DLG2: variants seen among roughly 807,000 people sequenced by gnomAD.
DLG2 encodes the protein disks large homolog 2.
A neutral mutation model predicts 132.5 loss-of-function variants in DLG2; 45 were observed. That is an observed-to-expected ratio of 0.34 (90% CI 0.27 to 0.44). The LOEUF is 0.44. Ranked by LOEUF, DLG2 falls within the 20% of genes least tolerant of loss-of-function variation. The pLI is 1.00. For synonymous variants in DLG2, 424 were observed against 419.6 expected (o/e 1.01, Z -0.13); for missense variants, 1,045 against 1,196.9 (o/e 0.87, Z 1.87).
At chr11:84,407,225 G>T (rs1567551436) in intron 7 of DLG2, among the ~76,000 whole-genome samples, 2 of 151,994 alleles carry the variant, frequency 1.3e-5, no homozygotes, top group Non-Finnish European at 2.9e-5. Context: ...TCTCGCTTTT[G>T]TTTCCCCCAC....
At chr11:84,849,961 G>T (rs2081983108) in intron 6 of DLG2, among the ~76,000 whole-genome samples, 1 of 152,176 alleles carries the variant, frequency 6.6e-6, no homozygotes, top group Non-Finnish European at 1.5e-5. Context: ...TATTTATTAT[G>T]ATATCTAACT....
chr11:84,837,008 G>A (rs996688159), intron 6 of DLG2, among the ~76,000 whole-genome samples: 8 of 151,436 alleles, frequency 5.3e-5, no homozygotes, highest in African/African-American at 1.5e-4. Context: ...TATCCCTCCC[G>A]CCTCTCCCCA....
chr11:85,256,272 G>A (rs537027122), intron 4 of DLG2, among the ~76,000 whole-genome samples: 88 of 152,236 alleles, frequency 5.8e-4, no homozygotes, highest in African/African-American at 1.4e-3. Context: ...AAAGGAGTTC[G>A]GCTAGGGATG....
intron 11 of DLG2, among the ~76,000 whole-genome samples, chr11:84,053,445 A>T (rs1365449507): frequency 6.6e-6 from 1 of 151,986 alleles, no homozygotes; most frequent in Non-Finnish European, 1.5e-5. Context: ...AGTTGAAGGA[A>T]AAAAAAGAAC....
chr11:85,559,406 C>T (rs2077104716), intron 3 of DLG2, among the ~76,000 whole-genome samples: 1 of 151,486 alleles, frequency 6.6e-6, no homozygotes, highest in Non-Finnish European at 1.5e-5. Flanking sequence ...GCCTCGGCCT[C>T]CCAAAGTGCT....
chr11:83,849,575 T>G (rs183625072), intron 16 of DLG2, among the ~76,000 whole-genome samples: 1 of 151,732 alleles, frequency 6.6e-6, no homozygotes, highest in Non-Finnish European at 1.5e-5. Flanking sequence ...TAGAAAGAAA[T>G]AATTTCTAGA....
intron 10 of DLG2, among the ~76,000 whole-genome samples, chr11:84,082,454 G>C (rs185741921): frequency 1.3e-5 from 2 of 152,228 alleles, no homozygotes; most frequent in South Asian, 2.1e-4. Context: ...TCAAAAACAA[G>C]ATTACTTAAT....
chr11:84,353,719 A>G (rs1014832241), intron 7 of DLG2, among the ~76,000 whole-genome samples: 1 of 152,036 alleles, frequency 6.6e-6, no homozygotes, highest in African/African-American at 2.4e-5. Flanking sequence ...CATCATTTTT[A>G]TCTTGTCTTC....
At chr11:84,472,695 G>A (rs2099111588) in intron 7 of DLG2, among the ~76,000 whole-genome samples, 1 of 151,734 alleles carries the variant, frequency 6.6e-6, no homozygotes. Flanking sequence ...TTTATTGAGG[G>A]TCAAAAACTA....
chr11:84,523,881 C>A (rs1184854430), intron 7 of DLG2, among the ~76,000 whole-genome samples: 1 of 152,050 alleles, frequency 6.6e-6, no homozygotes, highest in Non-Finnish European at 1.5e-5. Context: ...TTTTAATAAC[C>A]TAATATTTCT....
At position 83,998,606 on chromosome 11, in the gene DLG2, C is replaced by T. The variant is rs577425475; in HGVS notation, c.920-17964G>A. Among the ~76,000 whole-genome samples, 13 of 152,294 alleles carry T rather than the reference C, an allele frequency of 8.5e-5. No individual in the cohort carries two copies. The South Asian group carries it at 2.7e-3, about 32-fold the overall frequency. Reference sequence around the variant, plus strand: ...TAGTGGTCCACATTCCCACTGTGGACTCCTGCAATCCTAGACATGGGAGAA... The same window carrying T: ...TAGTGGTCCACATTCCCACTGTGGATTCCTGCAATCCTAGACATGGGAGAA... On this transcript the variant is annotated intron_variant, in intron 11 of 27. Transcript: ENST00000376104.
chr11:85,569,559 AT>A (rs1426672608), intron 3 of DLG2, among the ~76,000 whole-genome samples: 1 of 152,086 alleles, frequency 6.6e-6, no homozygotes, highest in Non-Finnish European at 1.5e-5. Flanking sequence ...TTTCAATTTC[AT>A]TTCATTGTGG....
At chr11:84,659,197 T>C (rs1005436182) in intron 6 of DLG2, among the ~76,000 whole-genome samples, 4 of 152,256 alleles carry the variant, frequency 2.6e-5, no homozygotes, top group East Asian at 1.9e-4. Flanking sequence ...GTCCAACTTG[T>C]AGGTAGCCTC....
chr11:84,322,159 A>T (rs970363095), intron 7 of DLG2, among the ~76,000 whole-genome samples: 3 of 152,224 alleles, frequency 2.0e-5, no homozygotes, highest in Admixed American at 1.3e-4. Context: ...TCTTTCAATG[A>T]TCACATCAAT....
chr11:84,061,850 A>AC (rs1491342860), intron 10 of DLG2, among the ~76,000 whole-genome samples: 2 of 19,204 alleles, frequency 1.0e-4, no homozygotes, highest in African/African-American at 2.2e-4. Context: ...TCTCTGATTG[A>AC]CAAAAAAAAA....
chr11:84,978,161 T>C (rs1428228148), intron 6 of DLG2, among the ~76,000 whole-genome samples: 1 of 152,038 alleles, frequency 6.6e-6, no homozygotes, highest in Non-Finnish European at 1.5e-5. Flanking sequence ...TCCAGAGAAA[T>C]CATTTAGAAA....
intron 6 of DLG2, among the ~76,000 whole-genome samples, chr11:84,953,807 T>G (rs1299846721): frequency 6.6e-6 from 1 of 152,090 alleles, no homozygotes; most frequent in Non-Finnish European, 1.5e-5. Context: ...AGCCTACAAG[T>G]CTCCCCTTGT....
At chr11:84,475,934 C>T (rs1006911731) in intron 7 of DLG2, among the ~76,000 whole-genome samples, 9 of 151,940 alleles carry the variant, frequency 5.9e-5, no homozygotes, top group African/African-American at 1.9e-4. Flanking sequence ...TGTGAGTTAT[C>T]GATGGTTCTG....
At chr11:83,962,145 C>T (rs1232477600) in intron 14 of DLG2, among the ~76,000 whole-genome samples, 2 of 152,004 alleles carry the variant, frequency 1.3e-5, no homozygotes, top group African/African-American at 2.4e-5. Flanking sequence ...TCTTTACACA[C>T]AAACACATAT....
Sources: allele counts gnomAD v4.1 joint callset (sites outside exome capture counted in the v4.1 genomes callset), GRCh38; gene constraint gnomAD v4.1.1; transcripts MANE v1.5; gene names NCBI Gene and HGNC (gene_info 2026-07-23, HGNC 2026-07-21).